RFX3: variants seen among roughly 807,000 people sequenced by gnomAD.
RFX3 encodes the protein regulatory factor X3.
RFX3 carries 14 observed loss-of-function variants against 98.6 expected under a neutral mutation model. The ratio of observed to expected loss-of-function variants is 0.14; its 90% CI spans 0.09 to 0.22. The LOEUF (loss-of-function observed/expected upper bound fraction) is 0.22, where lower values mean the gene tolerates loss of function less well. Ranked by LOEUF, RFX3 falls within the 10% of genes least tolerant of loss-of-function variation. RFX3 has a pLI of 1.00. For synonymous variants in RFX3, 383 were observed against 328.4 expected (o/e 1.17, Z -1.80); for missense variants, 639 against 926.9 (o/e 0.69, Z 4.03).
At chr9:3,403,193 C>A (rs1156902861) in intron 1 of RFX3, among the ~76,000 whole-genome samples, 1 of 152,018 alleles carries the variant, frequency 6.6e-6, no homozygotes, top group Non-Finnish European at 1.5e-5. Context: ...AATGAAAAAA[C>A]TAGTTAAGCT....
chr9:3,441,007 G>T (rs1845560426), intron 1 of RFX3, among the ~76,000 whole-genome samples: 1 of 152,140 alleles, frequency 6.6e-6, no homozygotes, highest in Non-Finnish European at 1.5e-5. Flanking sequence ...AGTATTGTTG[G>T]AACAAATGGA....
At chr9:3,350,582 T>C (rs1834988546) in intron 2 of RFX3, among the ~76,000 whole-genome samples, 1 of 152,120 alleles carries the variant, frequency 6.6e-6, no homozygotes, top group Admixed American at 6.6e-5. Context: ...CAAGGAGTTG[T>C]AAACTTACGT....
chr9:3,385,820 T>C (rs1405089159), intron 2 of RFX3, among the ~76,000 whole-genome samples: 1 of 151,964 alleles, frequency 6.6e-6, no homozygotes, highest in Non-Finnish European at 1.5e-5. Flanking sequence ...CAAATTCCAA[T>C]AAGGTCATCT....
intron 1 of RFX3, among the ~76,000 whole-genome samples, chr9:3,419,037 T>C (rs1843221715): frequency 6.6e-6 from 1 of 152,226 alleles, no homozygotes; most frequent in Non-Finnish European, 1.5e-5. Context: ...GATTTGAATA[T>C]CTTAATTTTA....
At position 3,395,553 on chromosome 9, in the gene RFX3, C is replaced by A. The variant is rs569472947; in HGVS notation, c.36G>T (p.Ser12=). The part of the protein sequence containing the change: ...QTSETGSDTG[S]TVTLQTSVAS... ...CCACAGATGTTTGTAAGGTCACTGT[C>A]GAGCCTGTGTCCGACCCAGTCTCTG... Residue 12 remains serine (S), a synonymous_variant, in exon 2 of 17, where the codon TCG becomes TCT. Coordinates refer to ENST00000617270, the MANE Select transcript of RFX3 (RefSeq NM_001282116.2). 1.2e-6 allele frequency: 2 copies of A among 1,614,020 alleles called. No homozygotes were observed. The highest frequency in any genetic ancestry group is 1.7e-6 in the Non-Finnish European group (2 of 1,179,952).
intron 3 of RFX3, among the ~76,000 whole-genome samples, chr9:3,343,485 T>C (rs1382987688): frequency 3.9e-5 from 6 of 152,182 alleles, no homozygotes; most frequent in African/African-American, 4.8e-5. Context: ...AAAGAAGTCA[T>C]AGAAAGACCC....
rs994195320 is a variant in RFX3, at chr9:3,391,601, G to GT, written c.117+3870dup. On this transcript the variant is annotated intron_variant, in intron 2 of 16. Coordinates refer to ENST00000617270, the MANE Select transcript of RFX3 (RefSeq NM_001282116.2). ...AGTGAGCCATATGGCACAGTACAAT[G>GT]TTTTTTCCAAAGTGTGGTCCAGGTG... is the stretch of plus-strand genomic sequence containing the variant. Among the ~76,000 whole-genome samples, 107 of 152,246 alleles carry GT rather than the reference G, an allele frequency of 7.0e-4. 1 individual carries two copies. The highest frequency in any genetic ancestry group is 6.2e-4 in the South Asian group (3 of 4,820).
At chr9:3,242,165 C>T (rs1820018866) in intron 15 of RFX3, among the ~76,000 whole-genome samples, 1 of 152,150 alleles carries the variant, frequency 6.6e-6, no homozygotes, top group Non-Finnish European at 1.5e-5. Flanking sequence ...TGATTTGGGG[C>T]AACTTTCAAT....
intron 1 of RFX3, among the ~76,000 whole-genome samples, chr9:3,450,417 TAAC>T (rs1180392945): frequency 1.3e-5 from 2 of 152,162 alleles, no homozygotes. Context: ...TCTCTTTCCT[TAAC>T]AAAACATTCT....
intron 1 of RFX3, among the ~76,000 whole-genome samples, chr9:3,500,373 G>A (rs1815861901): frequency 1.3e-5 from 2 of 152,038 alleles, no homozygotes; most frequent in Admixed American, 1.3e-4. Flanking sequence ...AAGAAATGTG[G>A]ATTCATTTTC....
chr9:3,417,642 G>A (rs1461295987), intron 1 of RFX3, among the ~76,000 whole-genome samples: 2 of 152,132 alleles, frequency 1.3e-5, no homozygotes, highest in East Asian at 1.9e-4. Context: ...TCTGTGAGAT[G>A]CAGAACCCCC....
At chr9:3,365,066 C>T (rs1212623032) in intron 2 of RFX3, among the ~76,000 whole-genome samples, 1 of 152,012 alleles carries the variant, frequency 6.6e-6, no homozygotes, top group Non-Finnish European at 1.5e-5. Flanking sequence ...CTTCGGGAGG[C>T]CGGGACAGGT....
chr9:3,257,061 T>C lies in RFX3; in HGVS notation c.1744A>G (p.Lys582Glu). 1 of 1,614,066 alleles carries C rather than the reference T, an allele frequency of 6.2e-7. No homozygotes were observed. The highest frequency in any genetic ancestry group is 8.5e-7 in the Non-Finnish European group (1 of 1,179,996). ...AAACTGGGTCTTCCTTCATAGGGTTTCAGTGCTTGCATCATCACATTGTCA... is the reference window on the plus strand; with the variant it reads ...AAACTGGGTCTTCCTTCATAGGGTTCCAGTGCTTGCATCATCACATTGTCA... ...WLDNVMMQAL[K>E]PYEGRPSFPK... Residue 582 changes from lysine to glutamate, a missense_variant, in exon 14 of 17, where the codon AAA becomes GAA. Transcript: ENST00000617270.
At chr9:3,467,284 A>G (rs1041975219) in intron 1 of RFX3, among the ~76,000 whole-genome samples, 4 of 146,254 alleles carry the variant, frequency 2.7e-5, no homozygotes, top group East Asian at 3.9e-4. Context: ...ACATATATAT[A>G]CATATATATA....
chr9:3,401,622 T>C (rs1293327187), intron 1 of RFX3, among the ~76,000 whole-genome samples: 1 of 152,220 alleles, frequency 6.6e-6, no homozygotes, highest in Non-Finnish European at 1.5e-5. Context: ...GCAGCCCATA[T>C]GTAAATGAGT....
At chr9:3,342,476 C>G (rs3012715) in intron 3 of RFX3, among the ~76,000 whole-genome samples, 2,637 of 152,168 alleles carry the variant, frequency 0.017, 77 homozygotes, top group African/African-American at 0.06. Context: ...CATTTTAAAA[C>G]ACTGATTATC....
chr9:3,518,915 C>T (rs1818438859), intron 1 of RFX3, among the ~76,000 whole-genome samples: 1 of 152,082 alleles, frequency 6.6e-6, no homozygotes, highest in Non-Finnish European at 1.5e-5. Context: ...AGTAAAGTAA[C>T]AATTCTAAGC....
At chr9:3,514,273 C>A (rs1817926944) in intron 1 of RFX3, among the ~76,000 whole-genome samples, 1 of 152,146 alleles carries the variant, frequency 6.6e-6, no homozygotes, top group African/African-American at 2.4e-5. Flanking sequence ...ATGCAAAAAT[C>A]AGTGCACAAA....
intron 1 of RFX3, among the ~76,000 whole-genome samples, chr9:3,420,418 A>G (rs1266599728): frequency 6.6e-6 from 1 of 152,242 alleles, no homozygotes; most frequent in Non-Finnish European, 1.5e-5. Flanking sequence ...ATACTTAGCT[A>G]CAGCTTTACT....
Sources: gnomAD v4.1 joint callset for allele counts (sites outside exome capture counted in the v4.1 genomes callset) on GRCh38, gnomAD v4.1.1 for gene constraint, MANE v1.5 for transcripts, NCBI Gene and HGNC (gene_info 2026-07-23, HGNC 2026-07-21) for gene names.